The following DNAH8 variants were observed in gnomAD, a reference collection of about 807,000 sequenced individuals.
The protein encoded by DNAH8 is axonemal beta dynein heavy chain 8.
DNAH8 carries 382 observed loss-of-function variants against 562.1 expected under a neutral mutation model. That is an observed-to-expected ratio of 0.68 (90% CI 0.63 to 0.74). DNAH8 has a LOEUF of 0.74. DNAH8 is among the 30% of genes least tolerant of loss of function. DNAH8 has a pLI of 0.00. For synonymous variants in DNAH8, 1,881 were observed against 1,919.4 expected (o/e 0.98, Z 0.52); for missense variants, 5,203 against 5,620.4 (o/e 0.93, Z 2.37).
At chr6:38,879,716 C>G (rs1778319423) in intron 53 of DNAH8, among the ~76,000 whole-genome samples, 1 of 141,228 alleles carries the variant, frequency 7.1e-6, no homozygotes, top group Non-Finnish European at 1.6e-5. Context: ...AGGTTCTAGC[C>G]AGTGCAGTGG....
chr6:38,740,775 C>T (rs528530831), intron 7 of DNAH8, among the ~76,000 whole-genome samples: 2 of 152,102 alleles, frequency 1.3e-5, no homozygotes, highest in African/African-American at 2.4e-5. Context: ...CCACCACATC[C>T]GACTAATTTA....
rs138988345 is a variant in DNAH8 at position 38,985,985 on chromosome 6, C to T, written c.13053+1678C>T. ...GCATCCACTACAAAAACCTAAGACT[C>T]CTAAGAGAATAGATAAGATGTGGTG... On this transcript the variant is annotated intron_variant, in intron 87 of 92. Transcript: ENST00000327475. 2.4e-3 allele frequency among the ~76,000 whole-genome samples: 359 copies of T among 152,282 alleles called. 4 individuals carry two copies. Among genetic ancestry groups the T allele is most frequent in the African/African-American group, 8.1e-3 (337 of 41,562 alleles).
intron 76 of DNAH8, among the ~76,000 whole-genome samples, chr6:38,933,723 TACAATGGCAATA>T (rs1488742384): frequency 6.6e-6 from 1 of 152,184 alleles, no homozygotes; most frequent in Non-Finnish European, 1.5e-5. Context: ...ACCCTGTAAG[TACAATGGCAATA>T]ACACTAGTCT....
intron 8 of DNAH8, among the ~76,000 whole-genome samples, chr6:38,747,332 A>G (rs1765025779): frequency 1.3e-5 from 2 of 151,220 alleles, no homozygotes; most frequent in Admixed American, 1.3e-4. Context: ...CTTTTTCCCA[A>G]ATGGCTGGCT....
At chr6:38,932,070 G>A in intron 76 of DNAH8, 77 bp downstream of exon 76, 4 of 1,133,940 alleles carry the variant, frequency 3.5e-6, no homozygotes, top group Middle Eastern at 2.7e-4. Flanking sequence ...CTAAGTATGT[G>A]AAAAAGAAAA....
intron 82 of DNAH8, among the ~76,000 whole-genome samples, chr6:38,970,917 A>G (rs1468426001): frequency 6.6e-6 from 1 of 152,162 alleles, no homozygotes; most frequent in Non-Finnish European, 1.5e-5. Context: ...CTGGTCCTAA[A>G]TGGTGTATTA....
In DNAH8 at chr6:38,938,242, C is replaced by T. The variant is rs1783129486; in HGVS notation, c.11816+16C>T. 3 of 1,590,226 alleles carry T rather than the reference C, an allele frequency of 1.9e-6. No individual in the cohort carries two copies. In the Admixed American group the frequency reaches 5.2e-5, roughly 28 times the overall value. On this transcript the variant is annotated intron_variant, in intron 78 of 92. Transcript: ENST00000327475. ...CCATGGCCAGGTGAGTCCTCACTAC[C>T]TTCATCCAAAAGTGGTGACTTAAAA...
chr6:38,739,456 T>C (rs1036670801), intron 7 of DNAH8, among the ~76,000 whole-genome samples: 1 of 152,146 alleles, frequency 6.6e-6, no homozygotes, highest in Admixed American at 6.6e-5. Flanking sequence ...CAAAAATGAA[T>C]ATGATGAAAG....
chr6:38,816,589 G>A (rs983380195), intron 26 of DNAH8, among the ~76,000 whole-genome samples: 1 of 152,030 alleles, frequency 6.6e-6, no homozygotes, highest in Non-Finnish European at 1.5e-5. Context: ...ATATTCCTTC[G>A]GGTATATACC....
At chr6:38,844,529 A>G (rs1775123227) in intron 35 of DNAH8, among the ~76,000 whole-genome samples, 1 of 152,224 alleles carries the variant, frequency 6.6e-6, no homozygotes, top group African/African-American at 2.4e-5. Flanking sequence ...ACAAAGAGGT[A>G]GAAACACTTT....
Position 38,938,918 on chromosome 6 carries a change from C to T in DNAH8, c.11937C>T (p.Leu3979=), listed in dbSNP as rs756080609. ...LYENHKFLFV[L]LMTLKIDLQR... is the part of the protein sequence containing the mutation. ...AAAACCACAAATTCCTGTTTGTACT[C>T]CTCATGACCTTAAAGATTGACCTTC... Residue 3979 remains leucine, a synonymous_variant, in exon 79 of 93, where the codon CTC becomes CTT. Coordinates refer to ENST00000327475, the MANE Select transcript of DNAH8 (RefSeq NM_001206927.2). 4.3e-6 allele frequency: 7 copies of T among 1,613,840 alleles called. No homozygotes were observed. The South Asian group carries it at 5.5e-5, about 13-fold the overall frequency.
At chr6:38,735,169 C>T (rs1763985584) in intron 5 of DNAH8, among the ~76,000 whole-genome samples, 1 of 152,208 alleles carries the variant, frequency 6.6e-6, no homozygotes, top group South Asian at 2.1e-4. Context: ...TAATAATACA[C>T]ACCTGGCAAG....
chr6:38,741,019 T>C (rs918101818), intron 7 of DNAH8, among the ~76,000 whole-genome samples: 6 of 152,206 alleles, frequency 3.9e-5, no homozygotes, highest in African/African-American at 7.2e-5. Flanking sequence ...TTAGTTACCT[T>C]GTTCTGGGAT....
intron 65 of DNAH8, 105 bp downstream of exon 65, chr6:38,909,849 C>A (rs923824632): frequency 3.3e-6 from 3 of 903,734 alleles, no homozygotes; most frequent in African/African-American, 1.7e-5. Flanking sequence ...TCATTGAGCA[C>A]GAGCTGTATT....
intron 31 of DNAH8, among the ~76,000 whole-genome samples, chr6:38,833,190 A>G (rs1367919460): frequency 6.6e-6 from 1 of 152,080 alleles, no homozygotes; most frequent in Non-Finnish European, 1.5e-5. Flanking sequence ...TAGTGGTCAC[A>G]GTGGATCTGT....
chr6:38,773,778 A>G (rs777273983), intron 12 of DNAH8, among the ~76,000 whole-genome samples: 17 of 152,164 alleles, frequency 1.1e-4, no homozygotes, highest in Non-Finnish European at 2.4e-4. Flanking sequence ...GCTTCCTCTG[A>G]TGAGTGGGGT....
rs1779550676 is a variant in DNAH8 at position 38,894,578 on chromosome 6, A to G, written c.8584-123A>G. 5 of 798,276 alleles carry G rather than the reference A, an allele frequency of 6.3e-6. No individual in the cohort carries two copies. In the East Asian group the frequency reaches 1.3e-4, roughly 21 times the overall value. The allele number at this position is 798,276 out of a possible 1,614,324, so 49.4% of individuals were successfully genotyped here. A position where few individuals can be genotyped will look rare whatever the true frequency, so the allele number is the denominator to read the frequency against. ...CGTGTTGTCACAAAATGTGAACTTA[A>G]TCTTGATTTATTTACTCAGCAGATT... On this transcript the variant is annotated intron_variant, in intron 58 of 92. Coordinates refer to ENST00000327475, the MANE Select transcript of DNAH8 (RefSeq NM_001206927.2).
At chr6:38,727,067 AG>A (rs1763289000) in intron 3 of DNAH8, among the ~76,000 whole-genome samples, 2 of 151,978 alleles carry the variant, frequency 1.3e-5, no homozygotes, top group Admixed American at 6.6e-5. Flanking sequence ...CATCTTGGCC[AG>A]GCTGGTCTCG....
Position 38,723,388 on chromosome 6 carries a change from TA to T in DNAH8, c.443del (p.Tyr148SerfsTer8). 1 of 1,612,406 alleles carries T rather than the reference TA, an allele frequency of 6.2e-7. No individual in the cohort carries two copies. Among genetic ancestry groups the T allele is most frequent in the Non-Finnish European group, 8.5e-7 (1 of 1,179,798 alleles). On this transcript the variant is annotated frameshift_variant, in exon 3 of 93. Transcript: ENST00000327475. LOFTEE classifies it high-confidence loss of function. ...CCGAAGACTGAAAATTGACCCTTCA[TA>T]CAAATATATATTTGAAATTCTAGCA... is the stretch of plus-strand genomic sequence containing the variant. ...ESRRLKIDPS[Y>X]KYIFEILAEN...
Sources: allele counts gnomAD v4.1 joint callset (sites outside exome capture counted in the v4.1 genomes callset), GRCh38; gene constraint gnomAD v4.1.1; transcripts MANE v1.5; gene names NCBI Gene and HGNC (gene_info 2026-07-23, HGNC 2026-07-21).